RTTN: variants seen among roughly 807,000 people sequenced by gnomAD.
RTTN encodes the protein rotatin.
RTTN carries 182 observed loss-of-function variants against 269.2 expected under a neutral mutation model. That is an observed-to-expected ratio of 0.68 (90% CI 0.60 to 0.76). The LOEUF (loss-of-function observed/expected upper bound fraction) is 0.76. Among genes scored for constraint, RTTN ranks in the 30% least tolerant of loss-of-function variants. RTTN has a pLI of 0.00. For missense variants in RTTN, 2,545 were observed against 2,608.6 expected (o/e 0.98, Z 0.53); for synonymous variants, 1,006 against 963.5 (o/e 1.04, Z -0.82).
At chr18:70,077,883 A>G (rs1599416939) in intron 32 of RTTN, among the ~76,000 whole-genome samples, 1 of 151,856 alleles carries the variant, frequency 6.6e-6, no homozygotes, top group Non-Finnish European at 1.5e-5. Flanking sequence ...AAATAGTGCA[A>G]AAAGGTTTAA....
At chr18:70,144,336 G>A (rs1028687369) in intron 18 of RTTN, among the ~76,000 whole-genome samples, 1 of 152,102 alleles carries the variant, frequency 6.6e-6, no homozygotes, top group Non-Finnish European at 1.5e-5. Flanking sequence ...GCCACCAGCT[G>A]GTATTCCCGT....
rs536888174 is a variant in RTTN, at chr18:70,089,211, A to G, written c.4144-1064T>C. ...CCAACCTGTATTTGGAGACAGAGCTATTAGGTGATTACAGTTAAATGAGGT... is the reference window on the plus strand; with the variant it reads ...CCAACCTGTATTTGGAGACAGAGCTGTTAGGTGATTACAGTTAAATGAGGT... On this transcript the variant is annotated intron_variant, in intron 30 of 48. Coordinates refer to ENST00000640769, the MANE Select transcript of RTTN (RefSeq NM_173630.4). Among the ~76,000 whole-genome samples, 7 of 152,284 alleles carry G rather than the reference A, an allele frequency of 4.6e-5. No homozygotes were observed. The East Asian group carries it at 9.6e-4, about 21-fold the overall frequency.
intron 43 of RTTN, among the ~76,000 whole-genome samples, chr18:70,027,085 T>C (rs537081640): frequency 7.9e-5 from 12 of 152,346 alleles, no homozygotes; most frequent in African/African-American, 2.9e-4. Flanking sequence ...CTCCTTCTCC[T>C]TTCTACCTGC....
chr18:70,041,543 C>G (rs1423032825), intron 40 of RTTN, among the ~76,000 whole-genome samples: 1 of 152,062 alleles, frequency 6.6e-6, no homozygotes, highest in Non-Finnish European at 1.5e-5. Context: ...AATTTAGCAC[C>G]AGGCATCCCT....
rs976062035 is a variant in RTTN at position 70,054,167 on chromosome 18, T to C, written c.5149A>G (p.Ile1717Val). ...ELVKPLITNI[I>V]GILTICTKDV... ...TTGGTACATATGGTGAGAATTCCAA[T>C]GATATTGGTGATAAGAGGTTTCACA... The change falls in exon 38 of 49, where the codon ATT becomes GTT. Residue 1717 changes from isoleucine (I) to valine (V), a missense_variant. Transcript: ENST00000640769. 1 of 1,613,562 alleles carries C rather than the reference T, an allele frequency of 6.2e-7. No homozygotes were observed. The highest frequency in any genetic ancestry group is 8.5e-7 in the Non-Finnish European group (1 of 1,179,554).
intron 3 of RTTN, among the ~76,000 whole-genome samples, chr18:70,203,068 A>G (rs1260543119): frequency 6.6e-6 from 1 of 152,108 alleles, no homozygotes; most frequent in East Asian, 1.9e-4. Flanking sequence ...AAGGCACTAT[A>G]CTAGGCATTA....
At chr18:70,122,270 T>C (rs1163088314) in intron 25 of RTTN, among the ~76,000 whole-genome samples, 1 of 151,670 alleles carries the variant, frequency 6.6e-6, no homozygotes, top group Non-Finnish European at 1.5e-5. Context: ...AAAAAAAAAC[T>C]GGTTTAAGAG....
chr18:70,121,446 T>A, intron 26 of RTTN, 110 bp downstream of exon 26: 1 of 909,602 alleles, frequency 1.1e-6, no homozygotes, highest in Non-Finnish European at 1.6e-6. Context: ...AAGACTACTT[T>A]ACCAAGCATA....
At chr18:70,063,965 C>CT (rs35413593) in intron 35 of RTTN, among the ~76,000 whole-genome samples, 105,572 of 131,104 alleles carry the variant, frequency 0.81, 43,517 homozygotes, top group Non-Finnish European at 0.9. Flanking sequence ...CTTTTATATG[C>CT]TTTTTTTTTT....
chr18:70,195,096 A>G (rs1460995540), intron 7 of RTTN, among the ~76,000 whole-genome samples: 5 of 152,172 alleles, frequency 3.3e-5, no homozygotes, highest in East Asian at 1.9e-4. Context: ...GCAAGCCCCA[A>G]TATACTCTGG....
At chr18:70,079,272 C>A (rs1391462402) in intron 32 of RTTN, among the ~76,000 whole-genome samples, 1 of 151,878 alleles carries the variant, frequency 6.6e-6, no homozygotes, top group Non-Finnish European at 1.5e-5. Context: ...TCAAAATATT[C>A]TTGAACTGCT....
chr18:70,094,797 G>A (rs2058952764), intron 28 of RTTN, among the ~76,000 whole-genome samples: 1 of 151,868 alleles, frequency 6.6e-6, no homozygotes, highest in Non-Finnish European at 1.5e-5. Context: ...ATGTCTATTA[G>A]GTCCGCTTGG....
In RTTN at chr18:70,088,018, G is replaced by C; in HGVS notation, c.4273C>G (p.Gln1425Glu). 3.1e-6 allele frequency: 5 copies of C among 1,613,648 alleles called. No homozygotes were observed. Among genetic ancestry groups the C allele is most frequent in the Non-Finnish European group, 4.2e-6 (5 of 1,179,786 alleles). Residue 1425 changes from glutamine to glutamate, a missense_variant, in exon 31 of 49, where the codon CAG (glutamine) becomes GAG (glutamate). Transcript: ENST00000640769. ...CGGCGCACCATACTACATTCTGACT[G>C]GTCCAGAAGAATGTTCACCACAGTT... is the stretch of plus-strand genomic sequence containing the variant. ...WGTVVNILLD[Q>E]SECSMVRREA...
chr18:70,201,557 G>A (rs1448035613), intron 4 of RTTN, among the ~76,000 whole-genome samples: 5 of 122,722 alleles, frequency 4.1e-5, no homozygotes, highest in Non-Finnish European at 8.0e-5. Flanking sequence ...GCAGTGAGCC[G>A]AGATCCCACC....
intron 10 of RTTN, among the ~76,000 whole-genome samples, chr18:70,186,080 CAAA>C (rs59754982): frequency 8.9e-6 from 1 of 112,570 alleles, no homozygotes. Context: ...CTCTCCCCCC[CAAA>C]AAAAAAAAAA....
chr18:70,099,797 A>G (rs1195120134), intron 28 of RTTN, among the ~76,000 whole-genome samples: 4 of 152,206 alleles, frequency 2.6e-5, no homozygotes, highest in African/African-American at 9.7e-5. Context: ...CTTTCTACAT[A>G]TGGCTAGCCA....
chr18:70,152,122 A>G (rs2060554786), intron 14 of RTTN, among the ~76,000 whole-genome samples: 2 of 152,046 alleles, frequency 1.3e-5, no homozygotes, highest in African/African-American at 4.8e-5. Context: ...TCTGTTCCCA[A>G]CTTCTAACTG....
chr18:70,046,067 T>C (rs2057482344), intron 40 of RTTN, among the ~76,000 whole-genome samples: 1 of 152,164 alleles, frequency 6.6e-6, no homozygotes, highest in South Asian at 2.1e-4. Flanking sequence ...ATTTTTTTTT[T>C]CCTGCGTATA....
intron 11 of RTTN, among the ~76,000 whole-genome samples, chr18:70,171,673 C>T (rs1204706918): frequency 1.3e-5 from 2 of 152,170 alleles, no homozygotes; most frequent in Admixed American, 6.5e-5. Context: ...CAGTGCAAAT[C>T]CATCACCCCA....
Sources: allele counts gnomAD v4.1 joint callset (sites outside exome capture counted in the v4.1 genomes callset), GRCh38; gene constraint gnomAD v4.1.1; transcripts MANE v1.5; gene names NCBI Gene and HGNC (gene_info 2026-07-23, HGNC 2026-07-21).